The following ADAM32 variants were observed in gnomAD, a reference collection of about 807,000 sequenced individuals.
ADAM32 encodes the protein disintegrin and metalloproteinase domain-containing protein 32.
In ADAM32, 89 loss-of-function variants were observed where a neutral mutation model predicts 114.9. The ratio of observed to expected loss-of-function variants is 0.77; its 90% CI spans 0.65 to 0.92. The LOEUF (loss-of-function observed/expected upper bound fraction) is 0.92. Ranked by LOEUF, ADAM32 falls within the 40% of genes least tolerant of loss-of-function variation. The probability of loss-of-function intolerance (pLI) is 0.00; values close to 1 mark genes in which losing one functional copy is unlikely to be tolerated. For synonymous variants in ADAM32, 285 were observed against 307.5 expected (o/e 0.93, Z 0.77); for missense variants, 870 against 932.8 (o/e 0.93, Z 0.88).
Position 39,261,625 on chromosome 8 carries a change from C to G in ADAM32, c.2162+4282C>G, listed in dbSNP as rs147729887. 4.6e-5 allele frequency among the ~76,000 whole-genome samples: 7 copies of G among 152,294 alleles called. No individual in the cohort carries two copies. The East Asian group carries it at 1.3e-3, about 29-fold the overall frequency. ...GTTGCATTTGTTGTTTTTTGAGGAG[C>G]TGCCCTGCTGTTCTCCATAGTGGCT... On this transcript the variant is annotated intron_variant, in intron 19 of 24. Transcript: ENST00000379907.
At chr8:39,177,357 C>A (rs948620452) in intron 10 of ADAM32, among the ~76,000 whole-genome samples, 2 of 152,096 alleles carry the variant, frequency 1.3e-5, no homozygotes, top group Admixed American at 1.3e-4. Flanking sequence ...AGTGATTGCT[C>A]CCAGCCATCC....
At chr8:39,211,038 A>G (rs1808170783) in intron 11 of ADAM32, 106 bp from the exon 12 acceptor site, 1 of 1,037,026 alleles carries the variant, frequency 9.6e-7, no homozygotes, top group East Asian at 3.1e-5. Context: ...TATTATAAAC[A>G]TTTGTAACAG....
Position 39,211,215 on chromosome 8 carries a change from GTGTCAAA to G in ADAM32, c.1129_1135del (p.Lys377PhefsTer48). 1 of 1,607,074 alleles carries G rather than the reference GTGTCAAA, an allele frequency of 6.2e-7. No homozygotes were observed. Among genetic ancestry groups the G allele is most frequent in the Non-Finnish European group, 8.5e-7 (1 of 1,177,212 alleles). ...TTTCAAAATTTCATTTCAAATGTGG[GTGTCAAA>G]TGTCTTCAGAATAAGCCACAAATGC... On this transcript the variant is annotated frameshift_variant, in exon 12 of 25. Transcript: ENST00000379907. LOFTEE classifies it high-confidence loss of function.
intron 16 of ADAM32, among the ~76,000 whole-genome samples, chr8:39,237,267 G>C (rs1219950897): frequency 6.6e-6 from 1 of 152,188 alleles, no homozygotes; most frequent in Non-Finnish European, 1.5e-5. Flanking sequence ...TGCCTGGGGA[G>C]GACAGCCAGT....
chr8:39,264,725 C>A (rs1410322199), intron 19 of ADAM32, among the ~76,000 whole-genome samples: 1 of 152,278 alleles, frequency 6.6e-6, no homozygotes, highest in East Asian at 1.9e-4. Context: ...TTAGCTGTGT[C>A]CCAGAGTTTC....
In ADAM32 at chr8:39,232,075, C is replaced by T. The variant is rs372106289; in HGVS notation, c.1574C>T (p.Ser525Leu). ...FACYEEIQSQ[S>L]DRFGNCGRDR... ...TGCTATGAAGAAATACAATCTCAATCAGACAGATTTGGGAACTGTGGTAGG... is the reference window on the plus strand; with the variant it reads ...TGCTATGAAGAAATACAATCTCAATTAGACAGATTTGGGAACTGTGGTAGG... The change falls in exon 15 of 25, where the codon TCA (serine) becomes TTA (leucine). Residue 525 changes from serine (S) to leucine (L), a missense_variant. Coordinates refer to ENST00000379907, the MANE Select transcript of ADAM32 (RefSeq NM_145004.7). The T allele has an allele frequency of 2.5e-6, 4 of 1,612,746 alleles. No individual in the cohort carries two copies. The Admixed American group carries it at 5.0e-5, about 20-fold the overall frequency.
At chr8:39,160,539 CAAAAAAAAAAAAAAAAAA>C (rs71218314) in intron 6 of ADAM32, among the ~76,000 whole-genome samples, 3 of 68,358 alleles carry the variant, frequency 4.4e-5, no homozygotes, top group Admixed American at 4.3e-4. Context: ...GACTCCATCT[CAAAAAAAAAAAAAAAAAA>C]AAAAAAAAAA....
chr8:39,125,938 T>C (rs1802086012), intron 2 of ADAM32, among the ~76,000 whole-genome samples: 1 of 152,188 alleles, frequency 6.6e-6, no homozygotes, highest in East Asian at 1.9e-4. Flanking sequence ...CCATTGCTTG[T>C]GTTTGTCAGG....
intron 16 of ADAM32, among the ~76,000 whole-genome samples, chr8:39,236,425 G>A (rs1255928925): frequency 6.6e-6 from 1 of 151,910 alleles, no homozygotes; most frequent in Non-Finnish European, 1.5e-5. Flanking sequence ...TTATTTAATA[G>A]CCAATCTTAT....
At chr8:39,187,724 T>C (rs1806341224) in intron 11 of ADAM32, among the ~76,000 whole-genome samples, 1 of 152,142 alleles carries the variant, frequency 6.6e-6, no homozygotes, top group Non-Finnish European at 1.5e-5. Context: ...AAAATATATA[T>C]ATATATATGT....
At chr8:39,113,500 G>A (rs183599270) in intron 1 of ADAM32, among the ~76,000 whole-genome samples, 26 of 152,242 alleles carry the variant, frequency 1.7e-4, no homozygotes, top group South Asian at 8.3e-4. Context: ...AACTCAAAAC[G>A]GCCTGCCACT....
intron 12 of ADAM32, among the ~76,000 whole-genome samples, 185 bp downstream of exon 12, chr8:39,211,509 T>C (rs928273367): frequency 1.3e-5 from 2 of 152,144 alleles, no homozygotes; most frequent in Non-Finnish European, 2.9e-5. Context: ...TTTGAACAAG[T>C]TTATAATGTA....
At chr8:39,129,034 A>T (rs1055340230) in intron 2 of ADAM32, among the ~76,000 whole-genome samples, 5 of 151,758 alleles carry the variant, frequency 3.3e-5, no homozygotes, top group African/African-American at 1.2e-4. Flanking sequence ...TTTCTAGTAT[A>T]TGGAAATACA....
chr8:39,161,133 G>C (rs555607293), intron 7 of ADAM32, among the ~76,000 whole-genome samples, 168 bp downstream of exon 7: 1 of 152,162 alleles, frequency 6.6e-6, no homozygotes, highest in Non-Finnish European at 1.5e-5. Flanking sequence ...AATGATACTA[G>C]TTTTATCAGA....
chr8:39,142,530 C>T (rs1803227701), intron 3 of ADAM32, among the ~76,000 whole-genome samples: 1 of 152,086 alleles, frequency 6.6e-6, no homozygotes, highest in Non-Finnish European at 1.5e-5. Context: ...GAATATTGGC[C>T]CCCACTCTCT....
intron 10 of ADAM32, among the ~76,000 whole-genome samples, chr8:39,180,438 G>A (rs536001480): frequency 7.7e-4 from 118 of 152,346 alleles, no homozygotes; most frequent in African/African-American, 2.6e-3. Context: ...TTTGCGGCCC[G>A]AGCCTCCCCG....
intron 2 of ADAM32, among the ~76,000 whole-genome samples, chr8:39,126,954 T>C (rs1213660480): frequency 6.6e-6 from 1 of 152,224 alleles, no homozygotes; most frequent in Admixed American, 6.5e-5. Flanking sequence ...TAGTTCTGTG[T>C]ATGTGATGAA....
chr8:39,204,250 C>T (rs950153729), intron 11 of ADAM32, among the ~76,000 whole-genome samples: 2 of 152,220 alleles, frequency 1.3e-5, no homozygotes, highest in Non-Finnish European at 2.9e-5. Context: ...TCCATTCTCA[C>T]CATCACTTTC....
At position 39,206,127 on chromosome 8, in the gene ADAM32, A is replaced by G. The variant is rs577930031; in HGVS notation, c.1053-5017A>G. 3.9e-5 allele frequency among the ~76,000 whole-genome samples: 6 copies of G among 152,302 alleles called. No individual in the cohort carries two copies. The South Asian group carries it at 6.2e-4, about 16-fold the overall frequency. On this transcript the variant is annotated intron_variant, in intron 11 of 24. Transcript: ENST00000379907. The stretch of plus-strand genomic sequence containing the variant: ...TGGTGAGCACAGAATTGTAGTCTCC[A>G]TAGGATTTCTTTGTCTGTTAGCAGC...
Sources: gnomAD v4.1 joint callset for allele counts (sites outside exome capture counted in the v4.1 genomes callset) on GRCh38, gnomAD v4.1.1 for gene constraint, MANE v1.5 for transcripts, NCBI Gene and HGNC (gene_info 2026-07-23, HGNC 2026-07-21) for gene names.